Variants in DIAPH2 observed in about 807,000 individuals in gnomAD.
DIAPH2 encodes diaphanous related formin 2, also known as protein diaphanous homolog 2.
DIAPH2 carries 35 observed loss-of-function variants against 92.7 expected under a neutral mutation model. The observed-to-expected ratio is 0.38, with a 90% CI of 0.29 to 0.50. DIAPH2 has a LOEUF of 0.50. Ranked by LOEUF, DIAPH2 falls within the 20% of genes least tolerant of loss-of-function variation. The probability of loss-of-function intolerance (pLI) is 0.94; values close to 1 mark genes in which losing one functional copy is unlikely to be tolerated. For synonymous variants in DIAPH2, 301 were observed against 280.4 expected, an observed-to-expected ratio of 1.07 and a Z score of -0.73; for missense variants, 701 against 819.5, an observed-to-expected ratio of 0.86 and a Z score of 1.77.
intron 12 of DIAPH2, among the ~76,000 whole-genome samples, chrX:96,941,036 C>A (rs2065700920): frequency 9.0e-6 from 1 of 110,899 alleles, no homozygotes. Flanking sequence ...TACTCTAGAC[C>A]CGAAGATGAC....
At chrX:97,063,826 T>C (rs1359072312) in intron 17 of DIAPH2, among the ~76,000 whole-genome samples, 1 of 112,332 alleles carries the variant, frequency 8.9e-6, no homozygotes, top group African/African-American at 3.2e-5. Context: ...CATCTTGTTA[T>C]GTCAGGGGTT....
intron 26 of DIAPH2, among the ~76,000 whole-genome samples, chrX:97,507,055 A>G (rs1445254355): frequency 3.7e-5 from 4 of 107,140 alleles, no homozygotes; most frequent in Non-Finnish European, 7.7e-5. Flanking sequence ...CACAAAGGCT[A>G]AAATATTTGC....
At chrX:97,574,036 CT>C (rs942040818) in intron 26 of DIAPH2, among the ~76,000 whole-genome samples, 1 of 111,916 alleles carries the variant, frequency 8.9e-6, no homozygotes, top group African/African-American at 3.2e-5. Flanking sequence ...TTCATTTCTC[CT>C]GTGTCACTAT....
chrX:96,938,113 T>C (rs1312711103), intron 11 of DIAPH2, among the ~76,000 whole-genome samples: 3 of 111,001 alleles, frequency 2.7e-5, no homozygotes, highest in Non-Finnish European at 5.7e-5. Flanking sequence ...GGAAGTAATA[T>C]TCCCCTCCTT....
At chrX:97,501,864 G>A (rs752809570) in intron 26 of DIAPH2, among the ~76,000 whole-genome samples, 7 of 111,510 alleles carry the variant, frequency 6.3e-5, no homozygotes, top group African/African-American at 9.8e-5. Context: ...GTGCAGCATC[G>A]TGATCTCGGC....
At chrX:96,955,328 A>G (rs911667016) in intron 15 of DIAPH2, among the ~76,000 whole-genome samples, 5 of 111,882 alleles carry the variant, frequency 4.5e-5, no homozygotes, top group African/African-American at 1.3e-4. Context: ...TCATTATTCA[A>G]TTATCTCCCC....
At chrX:97,191,831 T>G (rs780020096) in intron 22 of DIAPH2, among the ~76,000 whole-genome samples, 5 of 111,306 alleles carry the variant, frequency 4.5e-5, no homozygotes, top group African/African-American at 6.5e-5. Context: ...TGAGCTTTGC[T>G]GCCCTCCAAA....
At chrX:97,422,573 T>C (rs2070020371) in intron 25 of DIAPH2, among the ~76,000 whole-genome samples, 1 of 112,244 alleles carries the variant, frequency 8.9e-6, no homozygotes. Flanking sequence ...AGCTCAACTT[T>C]TGCAGAAAAC....
intron 23 of DIAPH2, among the ~76,000 whole-genome samples, chrX:97,328,533 T>C (rs1211503498): frequency 8.9e-6 from 1 of 111,988 alleles, no homozygotes; most frequent in Non-Finnish European, 1.9e-5. Flanking sequence ...CTATCATTGC[T>C]CTTGTTTACA....
At chrX:96,945,672 G>T in intron 14 of DIAPH2, 81 bp downstream of exon 14, 1 of 675,368 alleles carries the variant, frequency 1.5e-6, no homozygotes, top group Non-Finnish European at 2.1e-6. Flanking sequence ...ATTAATATGA[G>T]GGCTTCTAAA....
chrX:96,897,413 A>T (rs6620201), intron 5 of DIAPH2, among the ~76,000 whole-genome samples: 15,170 of 109,964 alleles, frequency 0.14, 874 homozygotes, highest in East Asian at 0.32. Context: ...TTTTTTTTCA[A>T]ACAGGTCTTA....
chrX:96,815,994 C>T (rs1401419820), intron 4 of DIAPH2, among the ~76,000 whole-genome samples: 1 of 111,500 alleles, frequency 9.0e-6, no homozygotes, highest in Non-Finnish European at 1.9e-5. Context: ...TTGTATTTCT[C>T]TCTCACCCCA....
intron 23 of DIAPH2, among the ~76,000 whole-genome samples, chrX:97,326,435 C>G (rs1373475094): frequency 8.9e-6 from 1 of 112,019 alleles, no homozygotes; most frequent in Non-Finnish European, 1.9e-5. Context: ...AGAGACTTAG[C>G]AAAATTGCAG....
chrX:96,813,424 C>G (rs1277285425), intron 4 of DIAPH2, among the ~76,000 whole-genome samples: 1 of 109,860 alleles, frequency 9.1e-6, no homozygotes, highest in Non-Finnish European at 1.9e-5. Flanking sequence ...TGTCTCTGCA[C>G]GTGAGATGGG....
chrX:96,914,014 A>C (rs184897568), intron 7 of DIAPH2, among the ~76,000 whole-genome samples: 1 of 110,989 alleles, frequency 9.0e-6, no homozygotes, highest in Admixed American at 9.6e-5. Flanking sequence ...AATTACAACA[A>C]CAAGTAGAAG....
At chrX:97,068,796 T>C (rs992747769) in intron 17 of DIAPH2, among the ~76,000 whole-genome samples, 1 of 112,307 alleles carries the variant, frequency 8.9e-6, no homozygotes, top group Admixed American at 9.5e-5. Flanking sequence ...GTATGTTATA[T>C]GTAAAAGAAC....
intron 17 of DIAPH2, among the ~76,000 whole-genome samples, chrX:96,967,316 A>G (rs1441757483): frequency 8.9e-6 from 1 of 111,817 alleles, no homozygotes; most frequent in Non-Finnish European, 1.9e-5. Context: ...TCCTGCATTA[A>G]TTTGCTTAGG....
chrX:97,153,049 A>G (rs1334693047), intron 22 of DIAPH2, among the ~76,000 whole-genome samples: 5 of 111,967 alleles, frequency 4.5e-5, no homozygotes, highest in South Asian at 7.5e-4. Flanking sequence ...TAGTTTGGCC[A>G]TATAACCTCT....
intron 4 of DIAPH2, among the ~76,000 whole-genome samples, chrX:96,843,329 T>G (rs2064949792): frequency 8.9e-6 from 1 of 111,865 alleles, no homozygotes; most frequent in Non-Finnish European, 1.9e-5. Context: ...GTGAGCCAAT[T>G]AAACATCTTT....
Sources: allele counts gnomAD v4.1 joint callset (sites outside exome capture counted in the v4.1 genomes callset), GRCh38; gene constraint gnomAD v4.1.1; transcripts MANE v1.5; gene names NCBI Gene and HGNC (gene_info 2026-07-23, HGNC 2026-07-21).